Variants in EYS observed in about 807,000 individuals in gnomAD.
EYS encodes the protein protein eyes shut homolog.
In EYS, 250 loss-of-function variants were observed where a neutral mutation model predicts 282.1. The ratio of observed to expected loss-of-function variants is 0.89; its 90% CI spans 0.80 to 0.98. EYS has a LOEUF of 0.98. Ranked by LOEUF, EYS falls within the 50% of genes least tolerant of loss-of-function variation. EYS has a pLI of 0.00. For synonymous variants in EYS, 1,355 were observed against 1,282.9 expected, an observed-to-expected ratio of 1.06 and a Z score of -1.20; for missense variants, 4,016 against 3,709.0, an observed-to-expected ratio of 1.08 and a Z score of -2.15.
intron 12 of EYS, among the ~76,000 whole-genome samples, chr6:65,120,591 A>G (rs79823981): frequency 0.04 from 6,144 of 152,152 alleles, 175 homozygotes; most frequent in Middle Eastern, 0.065. Context: ...ACTATGATTC[A>G]GTAAGATTGG....
intron 12 of EYS, among the ~76,000 whole-genome samples, chr6:65,279,837 G>T (rs1195164647): frequency 6.6e-6 from 1 of 152,110 alleles, no homozygotes; most frequent in East Asian, 1.9e-4. Context: ...AAAAGACAAC[G>T]TGTTCATTCT....
chr6:65,459,336 G>A (rs1764735555), intron 5 of EYS, among the ~76,000 whole-genome samples: 1 of 152,030 alleles, frequency 6.6e-6, no homozygotes, highest in East Asian at 1.9e-4. Context: ...TATTTTAAAT[G>A]CCAGTGGTAT....
At chr6:64,314,012 T>C (rs1769832329) in intron 29 of EYS, among the ~76,000 whole-genome samples, 1 of 151,864 alleles carries the variant, frequency 6.6e-6, no homozygotes, top group Non-Finnish European at 1.5e-5. Context: ...AATTCACACA[T>C]AACAACACTA....
At chr6:64,064,549 TTTC>T (rs1261415441) in intron 33 of EYS, among the ~76,000 whole-genome samples, 3 of 152,188 alleles carry the variant, frequency 2.0e-5, no homozygotes, top group African/African-American at 4.8e-5. Flanking sequence ...TCCTTTTTAC[TTTC>T]TTAAGTTTTG....
chr6:65,467,839 T>G (rs1490120630), intron 5 of EYS, among the ~76,000 whole-genome samples: 2 of 152,060 alleles, frequency 1.3e-5, no homozygotes, highest in African/African-American at 4.8e-5. Context: ...AAGAAGAATG[T>G]GTAGATTTTG....
chr6:64,708,545 G>C (rs1771106425), intron 22 of EYS, among the ~76,000 whole-genome samples: 1 of 152,096 alleles, frequency 6.6e-6, no homozygotes, highest in South Asian at 2.1e-4. Flanking sequence ...CATGTGCCCA[G>C]AGTCAATATT....
At chr6:65,585,168 C>T (rs1192620223) in intron 2 of EYS, among the ~76,000 whole-genome samples, 1 of 151,530 alleles carries the variant, frequency 6.6e-6, no homozygotes, top group Non-Finnish European at 1.5e-5. Context: ...TTCAAGAATG[C>T]CAATATAAAT....
intron 22 of EYS, among the ~76,000 whole-genome samples, chr6:64,790,386 A>G (rs545951273): frequency 9.9e-5 from 15 of 151,988 alleles, no homozygotes; most frequent in Non-Finnish European, 1.8e-4. Context: ...TAGCATTTAA[A>G]TGATGACCAA....
At chr6:65,410,557 C>A (rs1177766250) in intron 5 of EYS, among the ~76,000 whole-genome samples, 1 of 151,756 alleles carries the variant, frequency 6.6e-6, no homozygotes, top group Non-Finnish European at 1.5e-5. Flanking sequence ...CCTTCCCCTC[C>A]CCAGTCTCTA....
intron 12 of EYS, among the ~76,000 whole-genome samples, chr6:65,073,651 T>C (rs1248734929): frequency 6.6e-6 from 1 of 151,766 alleles, no homozygotes; most frequent in Non-Finnish European, 1.5e-5. Flanking sequence ...ATATACTTTT[T>C]AATATTTTTT....
intron 31 of EYS, among the ~76,000 whole-genome samples, chr6:64,215,413 T>C (rs1215166811): frequency 6.6e-6 from 1 of 152,070 alleles, no homozygotes; most frequent in East Asian, 1.9e-4. Context: ...AAAGGGCTCT[T>C]CAGTGAATTA....
chr6:65,309,482 A>G (rs1453935076), intron 11 of EYS, among the ~76,000 whole-genome samples: 1 of 152,170 alleles, frequency 6.6e-6, no homozygotes, highest in Non-Finnish European at 1.5e-5. Flanking sequence ...AGCATTATTC[A>G]TGTGCCTCTG....
chr6:65,607,248 T>C (rs1267656086), intron 2 of EYS, among the ~76,000 whole-genome samples: 2 of 151,832 alleles, frequency 1.3e-5, no homozygotes, highest in Non-Finnish European at 2.9e-5. Flanking sequence ...TTTTAGTTTG[T>C]CATAAAGGTT....
At chr6:65,677,264 G>T (rs939493248) in intron 1 of EYS, among the ~76,000 whole-genome samples, 1 of 151,466 alleles carries the variant, frequency 6.6e-6, no homozygotes, top group African/African-American at 2.4e-5. Context: ...AAATCAGAAA[G>T]GAAGAAATAA....
intron 33 of EYS, among the ~76,000 whole-genome samples, chr6:64,048,287 C>T (rs1238985304): frequency 6.6e-6 from 1 of 152,006 alleles, no homozygotes; most frequent in African/African-American, 2.4e-5. Context: ...GGACACACAC[C>T]CATTTCTGTG....
chr6:64,560,593 A>G (rs529537785), intron 26 of EYS, among the ~76,000 whole-genome samples: 12 of 152,270 alleles, frequency 7.9e-5, no homozygotes, highest in Non-Finnish European at 1.5e-4. Flanking sequence ...TCAGACTTCA[A>G]AAACATACCT....
intron 1 of EYS, among the ~76,000 whole-genome samples, chr6:65,706,789 T>C (rs1388211168): frequency 6.6e-6 from 1 of 152,084 alleles, no homozygotes; most frequent in African/African-American, 2.4e-5. Context: ...TAGCAGACAA[T>C]GGGGGAAAAC....
At chr6:65,697,240 G>A (rs1219991398) in intron 1 of EYS, among the ~76,000 whole-genome samples, 2 of 151,930 alleles carry the variant, frequency 1.3e-5, no homozygotes, top group Non-Finnish European at 1.5e-5. Context: ...ATATCATAAC[G>A]AATAGCTACT....
chr6:64,197,957 T>C (rs5013097), intron 31 of EYS, among the ~76,000 whole-genome samples: 34 of 151,562 alleles, frequency 2.2e-4, no homozygotes, highest in African/African-American at 7.0e-4. Context: ...CCATTATTTA[T>C]TTTACACTAT....
Sources: allele counts gnomAD v4.1 joint callset (sites outside exome capture counted in the v4.1 genomes callset), GRCh38; gene constraint gnomAD v4.1.1; transcripts MANE v1.5; gene names NCBI Gene and HGNC (gene_info 2026-07-23, HGNC 2026-07-21).